The following MKRN2 variants were observed in gnomAD, a reference collection of about 807,000 sequenced individuals.
MKRN2 encodes the protein makorin ring finger protein 2.
MKRN2 carries 32 observed loss-of-function variants against 45.4 expected under a neutral mutation model. The observed-to-expected ratio is 0.70, with a 90% confidence interval of 0.53 to 0.95. The LOEUF (loss-of-function observed/expected upper bound fraction) is 0.95. Ranked by LOEUF, MKRN2 falls within the 40% of genes least tolerant of loss-of-function variation. The pLI, the probability that MKRN2 is intolerant of heterozygous loss-of-function variation, is 0.00. For synonymous variants in MKRN2, 206 were observed against 192.4 expected (o/e 1.07, Z -0.59); for missense variants, 526 against 536.7 (o/e 0.98, Z 0.20).
chr3:12,570,018 G>A, intron 2 of MKRN2, 53 bp from the exon 3 acceptor site: 1 of 1,499,360 alleles, frequency 6.7e-7, no homozygotes, highest in Non-Finnish European at 9.0e-7. Flanking sequence ...GGGAGTGTGG[G>A]AGATGTGTGT....
At chr3:12,581,144 AAG>A (rs1159795281) in intron 6 of MKRN2, among the ~76,000 whole-genome samples, 6 of 152,190 alleles carry the variant, frequency 3.9e-5, no homozygotes, top group Admixed American at 2.0e-4. Flanking sequence ...TGGTAGAATT[AAG>A]AGAGAGGGAA....
chr3:12,572,449 A>G, intron 4 of MKRN2, 76 bp downstream of exon 4: 2 of 1,341,932 alleles, frequency 1.5e-6, no homozygotes, highest in South Asian at 1.6e-5. Context: ...AAGGCCATCC[A>G]TATACACTCA....
intron 4 of MKRN2, 115 bp from the exon 5 acceptor site, chr3:12,574,677 C>G: frequency 1.0e-6 from 1 of 967,944 alleles, no homozygotes; most frequent in South Asian, 1.5e-5. Context: ...ACAGCAGTCG[C>G]TGTCAGTGTT....
At chr3:12,582,081 C>T in intron 7 of MKRN2, 35 bp from the exon 8 acceptor site, 2 of 1,613,888 alleles carry the variant, frequency 1.2e-6, no homozygotes, top group Non-Finnish European at 1.7e-6. Flanking sequence ...TTGCTCTTAG[C>T]AGTAACCAGG....
At position 12,582,376 on chromosome 3, in the gene MKRN2, C is replaced by A. The variant is rs779577678; in HGVS notation, c.*123C>A. ...TGACTTGGATTTGAGTGGAGTTGGG[C>A]TTAGCCTTAGTCTCATTCAATCTCC... On this transcript the variant is annotated 3_prime_UTR_variant, in exon 8 of 8. Coordinates refer to ENST00000170447, the MANE Select transcript of MKRN2 (RefSeq NM_014160.5). 2 of 1,257,516 alleles carry A rather than the reference C, an allele frequency of 1.6e-6. No homozygotes were observed. Among genetic ancestry groups the A allele is most frequent in the African/African-American group, 3.0e-5 (2 of 67,164 alleles). 77.9% of individuals were successfully genotyped at this position (1,257,516 alleles called of 1,614,324 possible).
intron 3 of MKRN2, 45 bp downstream of exon 3, chr3:12,570,297 CTT>C (rs764484843): frequency 1.3e-6 from 2 of 1,554,626 alleles, no homozygotes; most frequent in Non-Finnish European, 1.8e-6. Context: ...GCATAGCACT[CTT>C]GTTAATGCTT....
chr3:12,572,686 T>G (rs1025136349), intron 4 of MKRN2, among the ~76,000 whole-genome samples: 1 of 151,762 alleles, frequency 6.6e-6, no homozygotes, highest in Non-Finnish European at 1.5e-5. Flanking sequence ...CTGGCTCAGG[T>G]GATCCTCCTG....
At chr3:12,562,080 C>T (rs2058041093) in intron 1 of MKRN2, among the ~76,000 whole-genome samples, 1 of 152,078 alleles carries the variant, frequency 6.6e-6, no homozygotes, top group Admixed American at 6.6e-5. Context: ...CTTCCTACAT[C>T]TGTCCCTCCC....
intron 6 of MKRN2, among the ~76,000 whole-genome samples, chr3:12,577,520 C>T (rs2058149278): frequency 6.6e-6 from 1 of 151,886 alleles, no homozygotes; most frequent in Admixed American, 6.6e-5. Flanking sequence ...ACTTTGAAAT[C>T]CTTGTTATCT....
At chr3:12,570,357 A>C in intron 3 of MKRN2, 105 bp downstream of exon 3, 10 of 1,122,256 alleles carry the variant, frequency 8.9e-6, no homozygotes, top group African/African-American at 1.6e-5. Flanking sequence ...CTAACCTAAT[A>C]CACCTCCAGA....
chr3:12,563,682 G>C, intron 1 of MKRN2, among the ~76,000 whole-genome samples: 1 of 121,734 alleles, frequency 8.2e-6, no homozygotes, highest in East Asian at 2.5e-4. Flanking sequence ...TAGAGACGGG[G>C]TTTCACCATG....
At chr3:12,559,963 TG>T (rs2058022806) in intron 1 of MKRN2, among the ~76,000 whole-genome samples, 1 of 152,082 alleles carries the variant, frequency 6.6e-6, no homozygotes, top group African/African-American at 2.4e-5. Context: ...TCACAAAACA[TG>T]GGGGATCTTT....
At chr3:12,575,092 T>A (rs1575521655) in intron 5 of MKRN2, 86 bp downstream of exon 5, 3 of 1,277,018 alleles carry the variant, frequency 2.3e-6, no homozygotes, top group Non-Finnish European at 3.3e-6. Context: ...AGCCCTCCGT[T>A]ACCCTCAAGA....
intron 6 of MKRN2, among the ~76,000 whole-genome samples, chr3:12,578,702 C>G (rs1575523352): frequency 1.3e-5 from 2 of 152,232 alleles, no homozygotes; most frequent in East Asian, 1.9e-4. Flanking sequence ...TTTGTTCATT[C>G]TCTGGTGCCT....
In MKRN2 at chr3:12,570,170, C is replaced by G; in HGVS notation, c.255C>G (p.Ser85=). Residue 85 remains serine (S), a synonymous_variant, in exon 3 of 8, where the codon TCC becomes TCG. Transcript: ENST00000170447. ...SPAFHSPHPP[S]EVTASIVKTN... is the part of the protein sequence containing the mutation. ...CTTTCCACAGTCCTCACCCTCCTTC[C>G]GAGGTCACTGCATCCATTGTGAAAA... 6.2e-7 allele frequency: 1 copy of G among 1,614,148 alleles called. No homozygotes were observed. Among genetic ancestry groups the G allele is most frequent in the Non-Finnish European group, 8.5e-7 (1 of 1,180,016 alleles).
chr3:12,562,937 T>A (rs2058048253), intron 1 of MKRN2, among the ~76,000 whole-genome samples: 1 of 152,134 alleles, frequency 6.6e-6, no homozygotes, highest in South Asian at 2.1e-4. Flanking sequence ...AATAATAAAG[T>A]GCACAATAAA....
At chr3:12,576,931 G>GTGTTTTTGTTTT (rs1175738358) in intron 6 of MKRN2, 190 bp downstream of exon 6, 10 of 124,194 alleles carry the variant, frequency 8.1e-5, no homozygotes, top group African/African-American at 1.6e-4. Context: ...TTTAGTTTTG[G>GTGTTTTTGTTTT]TGTTTTTTTT....
intron 4 of MKRN2, among the ~76,000 whole-genome samples, chr3:12,572,786 C>T (rs976344140): frequency 1.6e-4 from 24 of 152,002 alleles, no homozygotes; most frequent in African/African-American, 4.6e-4. Flanking sequence ...GGTTTCACCA[C>T]GTTGGCCAGG....
rs1212636082 is a variant in MKRN2 at position 12,557,103 on chromosome 3, C to T, written c.-48C>T. The T allele has an allele frequency of 1.3e-6, 2 of 1,488,348 alleles. No individual in the cohort carries two copies. Among genetic ancestry groups the T allele is most frequent in the Non-Finnish European group, 8.9e-7 (1 of 1,121,912 alleles). The allele number at this position is 1,488,348 out of a possible 1,614,324, so 92.2% of individuals were successfully genotyped here. ...GCCAGGGCCAAGGCCGAGGCGGCAG[C>T]GGCTGCGAGAGGCGGCGGCACGACG... On this transcript the variant is annotated 5_prime_UTR_variant, in exon 1 of 8. Coordinates refer to ENST00000170447, the MANE Select transcript of MKRN2 (RefSeq NM_014160.5).
Sources: allele counts gnomAD v4.1 joint callset (sites outside exome capture counted in the v4.1 genomes callset), GRCh38; gene constraint gnomAD v4.1.1; transcripts MANE v1.5; gene names NCBI Gene and HGNC (gene_info 2026-07-23, HGNC 2026-07-21).